Variants in GALNT2 observed in about 807,000 individuals in gnomAD.
GALNT2 encodes the protein UDP-GalNAc:polypeptide N-acetylgalactosaminyltransferase 2.
In GALNT2, 31 loss-of-function variants were observed where a neutral mutation model predicts 81.4. That is an observed-to-expected ratio of 0.38 (90% CI 0.29 to 0.51). The LOEUF (loss-of-function observed/expected upper bound fraction) is 0.51. GALNT2 is among the 20% of genes least tolerant of loss of function. The probability of loss-of-function intolerance (pLI) is 0.87; values close to 1 mark genes in which losing one functional copy is unlikely to be tolerated. For missense variants in GALNT2, 629 were observed against 765.7 expected (o/e 0.82, Z 2.11); for synonymous variants, 303 against 287.4 (o/e 1.05, Z -0.55).
At chr1:230,119,526 C>A (rs945397688) in intron 1 of GALNT2, among the ~76,000 whole-genome samples, 2 of 152,174 alleles carry the variant, frequency 1.3e-5, no homozygotes, top group Non-Finnish European at 2.9e-5. Flanking sequence ...TGGAGGCAAC[C>A]ATTGATACTC....
chr1:230,263,548 C>T (rs897932736), intron 13 of GALNT2: 3 of 153,024 alleles, frequency 2.0e-5, no homozygotes, highest in African/African-American at 7.2e-5. Flanking sequence ...CCCCACGTCC[C>T]TCCGGAGGAT....
chr1:230,262,729 A>G, intron 12 of GALNT2, 64 bp downstream of exon 12: 1 of 1,446,308 alleles, frequency 6.9e-7, no homozygotes, highest in Non-Finnish European at 9.7e-7. Context: ...GTGGGAGGTA[A>G]GGGGCTGCCC....
chr1:230,182,734 T>C (rs58927651), intron 2 of GALNT2, among the ~76,000 whole-genome samples: 2,063 of 152,334 alleles, frequency 0.014, 48 homozygotes, highest in African/African-American at 0.046. Flanking sequence ...TCTATAGATA[T>C]CAATTATATC....
intron 1 of GALNT2, among the ~76,000 whole-genome samples, chr1:230,100,310 CTTTTTTTTTTTTTTTT>C (rs573478928): frequency 3.5e-5 from 3 of 85,776 alleles, no homozygotes; most frequent in Non-Finnish European, 2.1e-5. Context: ...CTTTTTATTC[CTTTTTTTTTTTTTTTT>C]TTTTTTTTTT....
In GALNT2 at chr1:230,279,507, G is replaced by A; in HGVS notation, c.*49G>A. 6.3e-7 allele frequency: 1 copy of A among 1,584,498 alleles called. No homozygotes were observed. The highest frequency in any genetic ancestry group is 8.6e-7 in the Non-Finnish European group (1 of 1,161,996). ...CCTGTCTCCTGCACCATTGGGTGGA[G>A]TCTGGTGATCACATTATTGATTATG... On this transcript the variant is annotated 3_prime_UTR_variant, in exon 16 of 16. Coordinates refer to ENST00000366672, the MANE Select transcript of GALNT2 (RefSeq NM_004481.5). This position sits in a 1 kb window ranked among gnomAD's most constrained non-coding sequence, Gnocchi z 4.6.
Position 230,093,564 on chromosome 1 carries a change from G to A in GALNT2, c.126+26158G>A, listed in dbSNP as rs561583870. On this transcript the variant is annotated intron_variant, in intron 1 of 15. Coordinates refer to ENST00000366672, the MANE Select transcript of GALNT2 (RefSeq NM_004481.5). ...GGAGGCAGCACAGAGTGGTTGTTACGGGGAAGGTTTTCATAAGTGCTGTGA... is the reference window on the plus strand; with the variant it reads ...GGAGGCAGCACAGAGTGGTTGTTACAGGGAAGGTTTTCATAAGTGCTGTGA... 2.6e-5 allele frequency among the ~76,000 whole-genome samples: 4 copies of A among 152,316 alleles called. No individual in the cohort carries two copies. In the South Asian group the frequency reaches 6.2e-4, roughly 24 times the overall value.
intron 3 of GALNT2, among the ~76,000 whole-genome samples, chr1:230,221,250 A>G (rs1443723777): frequency 1.3e-5 from 2 of 152,202 alleles, no homozygotes; most frequent in African/African-American, 2.4e-5. Context: ...TAAAAGCTGT[A>G]TATATCCCAT....
upstream of GALNT2, among the ~76,000 whole-genome samples, chr1:230,066,832 G>A (rs1414539658): frequency 6.6e-6 from 1 of 151,982 alleles, no homozygotes; most frequent in African/African-American, 2.4e-5. Flanking sequence ...CTCCAGTCGG[G>A]TCCCGGGGCA....
At chr1:230,194,498 C>T (rs1663626107) in intron 2 of GALNT2, among the ~76,000 whole-genome samples, 1 of 152,210 alleles carries the variant, frequency 6.6e-6, no homozygotes, top group South Asian at 2.1e-4. Context: ...CTGGGCCCAT[C>T]CCCTCTCTGA....
chr1:230,072,348 C>T (rs755030878), intron 1 of GALNT2, among the ~76,000 whole-genome samples: 5 of 100,242 alleles, frequency 5.0e-5, no homozygotes, highest in African/African-American at 9.4e-5. Flanking sequence ...TTAGTGAAAG[C>T]AGGTGTGGTG....
chr1:230,256,824 T>C (rs1665729947), intron 11 of GALNT2, among the ~76,000 whole-genome samples: 1 of 152,250 alleles, frequency 6.6e-6, no homozygotes, highest in East Asian at 1.9e-4. Context: ...TATTTTCAAA[T>C]AGTAATCAAT....
chr1:230,108,398 A>G (rs1660604790), intron 1 of GALNT2, among the ~76,000 whole-genome samples: 1 of 152,266 alleles, frequency 6.6e-6, no homozygotes, highest in Non-Finnish European at 1.5e-5. Context: ...ATGTCCCGAT[A>G]AACCCATCAT....
intron 3 of GALNT2, 81 bp from the exon 4 acceptor site, chr1:230,235,933 C>A: frequency 1.5e-6 from 2 of 1,298,094 alleles, no homozygotes; most frequent in South Asian, 1.3e-5. Context: ...GTTGGTCAGT[C>A]TGCCTGTTCT....
intron 1 of GALNT2, among the ~76,000 whole-genome samples, chr1:230,110,512 A>G (rs942297002): frequency 1.3e-5 from 2 of 152,146 alleles, no homozygotes; most frequent in Non-Finnish European, 2.9e-5. Flanking sequence ...AAGTTTCCCC[A>G]CTTACACTAA....
chr1:230,162,968 G>A (rs534718454), intron 1 of GALNT2, among the ~76,000 whole-genome samples: 22 of 152,316 alleles, frequency 1.4e-4, no homozygotes, highest in African/African-American at 4.6e-4. Flanking sequence ...TGGCTCCTGT[G>A]TGTACACATT....
At chr1:230,168,579 C>G (rs952901226) in intron 1 of GALNT2, among the ~76,000 whole-genome samples, 1 of 152,212 alleles carries the variant, frequency 6.6e-6, no homozygotes, top group African/African-American at 2.4e-5. Context: ...TAAAAATGAA[C>G]AGGCACCCAG....
chr1:230,137,942 G>T (rs977904039), intron 1 of GALNT2, among the ~76,000 whole-genome samples: 1 of 152,106 alleles, frequency 6.6e-6, no homozygotes, highest in Non-Finnish European at 1.5e-5. Context: ...TCTTAGTTTT[G>T]ATTTGTTTTA....
intron 1 of GALNT2, among the ~76,000 whole-genome samples, chr1:230,131,899 A>C (rs972958832): frequency 6.6e-6 from 1 of 152,182 alleles, no homozygotes; most frequent in Admixed American, 6.5e-5. Context: ...ACCCAGACGC[A>C]AGTGTTTCTT....
At position 230,257,796 on chromosome 1, in the gene GALNT2, G is replaced by A. The variant is rs953154138; in HGVS notation, c.1136+2452G>A. Among the ~76,000 whole-genome samples the A allele has an allele frequency of 6.6e-6, 1 of 152,208 alleles. No homozygotes were observed. Among genetic ancestry groups the A allele is most frequent in the East Asian group, 1.9e-4 (1 of 5,196 alleles). On this transcript the variant is annotated intron_variant, in intron 11 of 15. Transcript: ENST00000366672. This position sits in a 1 kb window ranked among gnomAD's most constrained non-coding sequence, Gnocchi z 4.6. ...GGCAGAGAGAAGGGAGGTAGAGCGG[G>A]AAATTAATTTAGGGTGATGCCCAGG...
Sources: allele counts gnomAD v4.1 joint callset (sites outside exome capture counted in the v4.1 genomes callset), GRCh38; gene constraint gnomAD v4.1.1; non-coding constraint Gnocchi (gnomAD v3.1); transcripts MANE v1.5; gene names NCBI Gene and HGNC (gene_info 2026-07-23, HGNC 2026-07-21).